The following OTOG variants were observed in gnomAD, a reference collection of about 807,000 sequenced individuals.
OTOG encodes otogelin.
OTOG carries 296 observed loss-of-function variants against 313.8 expected under a neutral mutation model. The ratio of observed to expected loss-of-function variants is 0.94; its 90% confidence interval spans 0.86 to 1.04. The LOEUF is 1.04. OTOG is among the 50% of genes least tolerant of loss of function. The probability of loss-of-function intolerance (pLI) is 0.00; values close to 1 mark genes in which losing one functional copy is unlikely to be tolerated. For missense variants in OTOG, 3,948 were observed against 3,840.1 expected, an observed-to-expected ratio of 1.03 and a Z score of -0.74; for synonymous variants, 1,533 against 1,554.9, an observed-to-expected ratio of 0.99 and a Z score of 0.33.
chr11:17,563,237 C>T (rs1852227570), intron 15 of OTOG, among the ~76,000 whole-genome samples: 4 of 152,238 alleles, frequency 2.6e-5, no homozygotes, highest in African/African-American at 9.6e-5. Flanking sequence ...CTGGAAGCCC[C>T]AGTCTGGGCT....
At position 17,642,112 on chromosome 11, in the gene OTOG, T is replaced by C. The variant is rs1299780033; in HGVS notation, c.8296-15T>C. 6.5e-7 allele frequency: 1 copy of C among 1,536,278 alleles called. No homozygotes were observed. Among genetic ancestry groups the C allele is most frequent in the East Asian group, 2.5e-5 (1 of 40,744 alleles). ...TCTGGCCACAGCTCCCATTACCTAC[T>C]TCTGTGCCCTCCAGCCCGGGGCATC... On this transcript the variant is annotated splice_polypyrimidine_tract_variant and intron_variant, in intron 52 of 55. Coordinates refer to ENST00000399397, the MANE Select transcript of OTOG (RefSeq NM_001292063.2).
intron 39 of OTOG, among the ~76,000 whole-genome samples, chr11:17,624,030 G>C (rs751817567): frequency 2.6e-5 from 4 of 152,128 alleles, no homozygotes; most frequent in Non-Finnish European, 5.9e-5. Context: ...ATTTGTTTAA[G>C]TTCCTTATAG....
Position 17,613,716 on chromosome 11 carries a change from C to T in OTOG, c.6528+15C>T. On this transcript the variant is annotated intron_variant, in intron 39 of 55. Coordinates refer to ENST00000399397, the MANE Select transcript of OTOG (RefSeq NM_001292063.2). ...TCAACCGAAAGGTGAGTGCATCAAA[C>T]AGCCAGCCTCCAGGGCAGGGCCACA... 6.5e-7 allele frequency: 1 copy of T among 1,548,120 alleles called. No homozygotes were observed. Among genetic ancestry groups the T allele is most frequent in the East Asian group, 2.4e-5 (1 of 40,872 alleles).
At chr11:17,566,831 C>T (rs1852302052) in intron 15 of OTOG, among the ~76,000 whole-genome samples, 1 of 152,234 alleles carries the variant, frequency 6.6e-6, no homozygotes, top group Non-Finnish European at 1.5e-5. Flanking sequence ...TCCTCCCACT[C>T]TCTTCACTGA....
chr11:17,625,186 A>G (rs1157758494), intron 39 of OTOG, among the ~76,000 whole-genome samples: 2 of 152,158 alleles, frequency 1.3e-5, no homozygotes, highest in Admixed American at 6.5e-5. Flanking sequence ...AGGACTTCCA[A>G]TACTATGTTG....
chr11:17,580,210 TCTGGCCAAG>T (rs1852635030), intron 23 of OTOG, among the ~76,000 whole-genome samples: 3 of 152,212 alleles, frequency 2.0e-5, no homozygotes, highest in Non-Finnish European at 4.4e-5. Context: ...GAATCTGGGG[TCTGGCCAAG>T]GGCCCTGGGG....
At chr11:17,573,419 C>A in intron 19 of OTOG, 129 bp downstream of exon 19, 1 of 988,600 alleles carries the variant, frequency 1.0e-6, no homozygotes, top group Non-Finnish European at 1.4e-6. Context: ...CCAGAGCCTG[C>A]TTCTCCTCCT....
chr11:17,570,562 G>T (rs986825873), intron 17 of OTOG, 172 bp downstream of exon 17: 25 of 657,362 alleles, frequency 3.8e-5, no homozygotes, highest in Non-Finnish European at 6.0e-5. Flanking sequence ...TTAAAGCAGC[G>T]GTTCACAGTC....
At chr11:17,551,205 A>C (rs1056030522) in intron 3 of OTOG, among the ~76,000 whole-genome samples, 2 of 152,200 alleles carry the variant, frequency 1.3e-5, no homozygotes, top group South Asian at 2.1e-4. Flanking sequence ...AGGAGGAGCC[A>C]ACTGTGCCCA....
intron 39 of OTOG, among the ~76,000 whole-genome samples, chr11:17,615,812 C>T (rs964730810): frequency 6.6e-6 from 1 of 152,092 alleles, no homozygotes; most frequent in African/African-American, 2.4e-5. Context: ...CCTATAATCC[C>T]AGCTACTCGG....
chr11:17,595,086 A>G (rs1018320026), intron 28 of OTOG, among the ~76,000 whole-genome samples: 3 of 152,300 alleles, frequency 2.0e-5, no homozygotes, highest in African/African-American at 4.8e-5. Flanking sequence ...AGATGAGCCT[A>G]TGTAGACTGG....
chr11:17,629,083 G>A, intron 39 of OTOG, 50 bp from the exon 40 acceptor site: 2 of 1,470,238 alleles, frequency 1.4e-6, no homozygotes, highest in Admixed American at 2.0e-5. Flanking sequence ...TGGATGGATG[G>A]ATGAATGAAT....
chr11:17,633,634 C>G (rs1854186443), intron 42 of OTOG, 46 bp from the exon 43 acceptor site: 12 of 1,469,898 alleles, frequency 8.2e-6, no homozygotes, highest in Non-Finnish European at 1.1e-5. Flanking sequence ...GTGGGGAGCC[C>G]TGCCTGGGGT....
At chr11:17,564,962 A>T (rs1472997891) in intron 15 of OTOG, among the ~76,000 whole-genome samples, 1 of 152,206 alleles carries the variant, frequency 6.6e-6, no homozygotes, top group African/African-American at 2.4e-5. Context: ...AGTAGACTTT[A>T]TGTTTTAGAA....
intron 24 of OTOG, among the ~76,000 whole-genome samples, chr11:17,587,179 A>G (rs1191075096): frequency 6.6e-6 from 1 of 152,240 alleles, no homozygotes; most frequent in Non-Finnish European, 1.5e-5. Context: ...ATTCTTGTGT[A>G]TGAAAGTACG....
chr11:17,638,623 G>T (rs150296854), intron 48 of OTOG, 74 bp downstream of exon 48: 4 of 1,503,308 alleles, frequency 2.7e-6, no homozygotes, highest in Non-Finnish European at 3.6e-6. Flanking sequence ...GAGGGAGCCC[G>T]GCCTACCACC....
At chr11:17,593,821 G>A (rs1853018188) in intron 27 of OTOG, 65 bp downstream of exon 27, 18 of 1,527,466 alleles carry the variant, frequency 1.2e-5, no homozygotes, top group Admixed American at 2.0e-5. Flanking sequence ...GGTGTCCTTG[G>A]GTGAGCTGTA....
At chr11:17,590,163 T>C (rs1852897612) in intron 24 of OTOG, among the ~76,000 whole-genome samples, 1 of 152,194 alleles carries the variant, frequency 6.6e-6, no homozygotes, top group African/African-American at 2.4e-5. Context: ...CAATCCATGC[T>C]TCTCAACTCT....
At position 17,558,267 on chromosome 11, in the gene OTOG, C is replaced by T. The variant is rs1467683267; in HGVS notation, c.948C>T (p.Ser316=). 1.3e-6 allele frequency: 2 copies of T among 1,550,712 alleles called. No individual in the cohort carries two copies. Among genetic ancestry groups the T allele is most frequent in the South Asian group, 2.4e-5 (2 of 84,060 alleles). Residue 316 remains serine (S), a synonymous_variant, in exon 9 of 56, where the codon TCC becomes TCT. Transcript: ENST00000399397. The stretch of plus-strand genomic sequence containing the variant: ...ACCAGCCTCCAGGGCCCACAACTTC[C>T]TCCCTGCCTCGCCCACCGTGCCTAC... ...APNQPPGPTT[S]SLPRPPCLQQ...
Sources: gnomAD v4.1 joint callset for allele counts (sites outside exome capture counted in the v4.1 genomes callset) on GRCh38, gnomAD v4.1.1 for gene constraint, MANE v1.5 for transcripts, NCBI Gene and HGNC (gene_info 2026-07-23, HGNC 2026-07-21) for gene names.